The following DHRS7C variants were observed in gnomAD, a reference collection of about 807,000 sequenced individuals.
DHRS7C encodes the protein dehydrogenase/reductase SDR family member 7C.
DHRS7C carries 28 observed loss-of-function variants against 29.6 expected under a neutral mutation model. That is an observed-to-expected ratio of 0.95 (90% CI 0.70 to 1.30). The LOEUF is 1.30. DHRS7C is among the 50% of genes most tolerant of loss of function. DHRS7C has a pLI of 0.00. For synonymous variants in DHRS7C, 158 were observed against 160.2 expected (o/e 0.99, Z 0.10); for missense variants, 403 against 393.3 (o/e 1.02, Z -0.21).
intron 1 of DHRS7C, among the ~76,000 whole-genome samples, chr17:9,787,435 C>T (rs965166627): frequency 6.6e-5 from 10 of 152,214 alleles, no homozygotes; most frequent in African/African-American, 2.4e-4. Flanking sequence ...CAGTGGCGTG[C>T]TCAGTGCCTC....
chr17:9,787,899 G>A (rs1043355964), intron 1 of DHRS7C, among the ~76,000 whole-genome samples: 5 of 151,870 alleles, frequency 3.3e-5, no homozygotes, highest in Admixed American at 2.0e-4. Context: ...GTAGATATGC[G>A]GGGGTCTTAC....
chr17:9,774,219 C>T lies in DHRS7C; in HGVS notation c.572-1297G>A, dbSNP rs941826667. Among the ~76,000 whole-genome samples the T allele has an allele frequency of 3.4e-4, 52 of 152,240 alleles. No homozygotes were observed. The highest frequency in any genetic ancestry group is 1.3e-3 in the African/African-American group (52 of 41,538). The stretch of plus-strand genomic sequence containing the variant: ...CAGAGGTGAATAGAAGTAGCTCTGG[C>T]CTCATGGAGTCCTCATTTCATCAGT... On this transcript the variant is annotated intron_variant, in intron 4 of 5. Transcript: ENST00000571134. This position sits in a 1 kb window ranked among gnomAD's most constrained non-coding sequence, Gnocchi z 5.0.
intron 1 of DHRS7C, among the ~76,000 whole-genome samples, chr17:9,790,397 G>A (rs1361404438): frequency 6.6e-6 from 1 of 152,236 alleles, no homozygotes; most frequent in Non-Finnish European, 1.5e-5. Context: ...GGCCCCTCAT[G>A]TCATAGATGT....
intron 1 of DHRS7C, among the ~76,000 whole-genome samples, chr17:9,787,554 C>G (rs1294145910): frequency 6.6e-6 from 1 of 152,210 alleles, no homozygotes; most frequent in Non-Finnish European, 1.5e-5. Context: ...TTTATCAGCT[C>G]AGCAGGTATC....
chr17:9,789,231 C>T lies in DHRS7C; in HGVS notation c.154+1900G>A, dbSNP rs149353731. Among the ~76,000 whole-genome samples, 280 of 152,302 alleles carry T rather than the reference C, an allele frequency of 1.8e-3. 1 individual carries two copies. Among genetic ancestry groups the T allele is most frequent in the African/African-American group, 6.4e-3 (264 of 41,562 alleles). On this transcript the variant is annotated intron_variant, in intron 1 of 5. Transcript: ENST00000571134. ...CGGCAGAACGTACATTCTTGTCAAGCACTCGCAGAACCCATATCGAGATAG... is the reference window on the plus strand; with the variant it reads ...CGGCAGAACGTACATTCTTGTCAAGTACTCGCAGAACCCATATCGAGATAG...
intron 5 of DHRS7C, 29 bp downstream of exon 5, chr17:9,772,737 AG>A: frequency 6.2e-7 from 1 of 1,609,274 alleles, no homozygotes; most frequent in Non-Finnish European, 8.5e-7. Context: ...CGAGGCCCCC[AG>A]GGGCCCCAGC....
rs200331893 is a variant in DHRS7C at position 9,772,878 on chromosome 17, G to C, written c.616C>G (p.Arg206Gly). The change falls in exon 5 of 6, where the codon CGA (arginine) becomes GGA (glycine). Residue 206 changes from arginine (R) to glycine (G), a missense_variant. Physicochemically the swap from Arg to Gly is moderately radical, Grantham distance 125 (BLOSUM62 -2). Coordinates refer to ENST00000571134, the MANE Select transcript of DHRS7C (RefSeq NM_001105571.3). Reference protein sequence around the residue: ...HAALGFFDCLRAEVEEYDVVI... With the variant: ...HAALGFFDCLGAEVEEYDVVI... ...ACATCGTATTCCTCCACTTCGGCTC[G>C]GAGGCAGTCAAAGAAGCCCAGGGCT... 4 of 1,613,876 alleles carry C rather than the reference G, an allele frequency of 2.5e-6. No homozygotes were observed.
In DHRS7C at chr17:9,771,796, GC is replaced by G. The variant is rs1239329076; in HGVS notation, c.728-101del. ...AAAGGCTGAGGGGCGGGAAGCGTGGGCTGTCCCCGGAGTCACAGGTTCCAGG... is the reference window on the plus strand; with the variant it reads ...AAAGGCTGAGGGGCGGGAAGCGTGGGTGTCCCCGGAGTCACAGGTTCCAGG... On this transcript the variant is annotated intron_variant, in intron 5 of 5. Coordinates refer to ENST00000571134, the MANE Select transcript of DHRS7C (RefSeq NM_001105571.3). 12 of 1,195,448 alleles carry G rather than the reference GC, an allele frequency of 1.0e-5. No homozygotes were observed. In the East Asian group the frequency reaches 3.4e-4, roughly 34 times the overall value. The allele number at this position is 1,195,448 out of a possible 1,614,324, so 74.1% of individuals were successfully genotyped here.
chr17:9,776,290 C>G (rs531763329), intron 4 of DHRS7C, among the ~76,000 whole-genome samples: 29 of 152,282 alleles, frequency 1.9e-4, no homozygotes, highest in Admixed American at 1.8e-3. Flanking sequence ...TGTGTGGGGA[C>G]ACAGCAAGAA....
intron 4 of DHRS7C, among the ~76,000 whole-genome samples, chr17:9,773,502 T>C (rs371236401): frequency 6.6e-6 from 1 of 152,022 alleles, no homozygotes; most frequent in South Asian, 2.1e-4. Flanking sequence ...CCAAAAAGAA[T>C]AGAGTGGACA....
intron 5 of DHRS7C, 114 bp downstream of exon 5, chr17:9,772,653 C>A: frequency 5.8e-6 from 8 of 1,371,434 alleles, no homozygotes; most frequent in Non-Finnish European, 7.8e-6. Flanking sequence ...CTCCTCCACC[C>A]CCATCCCCAG....
At position 9,771,660 on chromosome 17, in the gene DHRS7C, AC is replaced by A; in HGVS notation, c.763del (p.Val255Ter). On this transcript the variant is annotated frameshift_variant, in exon 6 of 6. Transcript: ENST00000571134. LOFTEE classifies it high-confidence loss of function. The stretch of plus-strand genomic sequence containing the variant: ...GCGCATCACCTCCTCCGCCACCTCT[AC>A]TGGGTGCACGCCGTAGGTCAGCTTC... Reference protein sequence around the residue: ...FRKLTYGVHPVEVAEEVMRTV... With the variant: ...FRKLTYGVHPXEVAEEVMRTV... The A allele has an allele frequency of 6.4e-7, 1 of 1,573,164 alleles. No homozygotes were observed.
chr17:9,779,785 G>A, intron 3 of DHRS7C, 40 bp downstream of exon 3: 1 of 1,574,994 alleles, frequency 6.3e-7, no homozygotes, highest in Non-Finnish European at 8.6e-7. Flanking sequence ...TGTAGAATCT[G>A]GTGGCCCAGA....
rs1226306059 is a variant in DHRS7C, at chr17:9,771,514, T to C, written c.910A>G (p.Lys304Glu). 3 of 1,553,184 alleles carry C rather than the reference T, an allele frequency of 1.9e-6. No individual in the cohort carries two copies. The South Asian group carries it at 3.6e-5, about 19-fold the overall frequency. Reference sequence around the variant, plus strand: ...TACCCCTCCTCCGGGACATTGAGCTTCTCCTTCACCCCACAGGCCACCACG... The same window carrying C: ...TACCCCTCCTCCGGGACATTGAGCTCCTCCTTCACCCCACAGGCCACCACG... ...FAVVACGVKE[K>E]LNVPEEG Residue 304 changes from lysine to glutamate, a missense_variant, in exon 6 of 6, where the codon AAG (lysine) becomes GAG (glutamate). Physicochemically the swap from Lys to Glu is moderately conservative, Grantham distance 56. Coordinates refer to ENST00000571134, the MANE Select transcript of DHRS7C (RefSeq NM_001105571.3).
Position 9,781,551 on chromosome 17 carries a change from C to G in DHRS7C, c.198G>C (p.Leu66=), listed in dbSNP as rs779370845. ...CTAGCCTCTCCCAGTTCTTTCCACA[C>G]AGCACCAGCCTTGCCCCACCTGTGT... ...VFHTGGARLV[L]CGKNWERLEN... is the part of the protein sequence containing the mutation. Residue 66 remains leucine, a synonymous_variant, in exon 2 of 6, where the codon CTG becomes CTC. Coordinates refer to ENST00000571134, the MANE Select transcript of DHRS7C (RefSeq NM_001105571.3). 1 of 1,614,046 alleles carries G rather than the reference C, an allele frequency of 6.2e-7. No individual in the cohort carries two copies. Among genetic ancestry groups the G allele is most frequent in the Non-Finnish European group, 8.5e-7 (1 of 1,179,902 alleles).
At chr17:9,781,660 T>A in intron 1 of DHRS7C, 66 bp from the exon 2 acceptor site, 1 of 1,510,948 alleles carries the variant, frequency 6.6e-7, no homozygotes, top group East Asian at 2.3e-5. Context: ...GTGAACCCCC[T>A]CTCTTGGGAA....
intron 1 of DHRS7C, among the ~76,000 whole-genome samples, chr17:9,784,450 G>A (rs904850857): frequency 6.6e-6 from 1 of 151,746 alleles, no homozygotes; most frequent in African/African-American, 2.4e-5. Context: ...CCAGCCTGGG[G>A]AACAGAGTGA....
chr17:9,786,168 C>CA (rs985120487), intron 1 of DHRS7C, among the ~76,000 whole-genome samples: 9 of 151,502 alleles, frequency 5.9e-5, no homozygotes, highest in African/African-American at 1.7e-4. Flanking sequence ...ACTAAAAATA[C>CA]AAAAAAATAT....
intron 5 of DHRS7C, among the ~76,000 whole-genome samples, chr17:9,772,069 G>A (rs979611495): frequency 6.6e-6 from 1 of 152,102 alleles, no homozygotes; most frequent in African/African-American, 2.4e-5. Context: ...CCCCTGGTCT[G>A]CCCCCCATCT....
Sources: gnomAD v4.1 joint callset for allele counts (sites outside exome capture counted in the v4.1 genomes callset) on GRCh38, gnomAD v4.1.1 for gene constraint, Gnocchi (gnomAD v3.1) non-coding constraint, MANE v1.5 for transcripts, NCBI Gene and HGNC (gene_info 2026-07-23, HGNC 2026-07-21) for gene names.